Variants in PCDH15 observed in about 807,000 individuals in gnomAD.
The protein encoded by PCDH15 is protocadherin related 15, also known as protocadherin-15.
In PCDH15, 129 loss-of-function variants were observed where a neutral mutation model predicts 178.5. The observed-to-expected ratio is 0.72, with a 90% CI of 0.63 to 0.84. The LOEUF is 0.84. Among genes scored for constraint, PCDH15 ranks in the 40% least tolerant of loss-of-function variants. The probability of loss-of-function intolerance (pLI) is 0.00; values close to 1 mark genes in which losing one functional copy is unlikely to be tolerated. For missense variants in PCDH15, 2,230 were observed against 2,099.9 expected (o/e 1.06, Z -1.21); for synonymous variants, 800 against 732.0 (o/e 1.09, Z -1.50).
intron 2 of PCDH15, among the ~76,000 whole-genome samples, chr10:54,955,911 C>G (rs1838473423): frequency 6.6e-6 from 1 of 151,332 alleles, no homozygotes; most frequent in Non-Finnish European, 1.5e-5. Flanking sequence ...CTTACATGCA[C>G]TACATATAAT....
intron 2 of PCDH15, among the ~76,000 whole-genome samples, chr10:55,434,332 A>C (rs1403641285): frequency 6.6e-6 from 1 of 151,892 alleles, no homozygotes; most frequent in African/African-American, 2.4e-5. Flanking sequence ...CTGGGATTAC[A>C]GGCGTGAGCC....
At chr10:53,972,894 G>A (rs1263775770) in intron 21 of PCDH15, among the ~76,000 whole-genome samples, 2 of 152,088 alleles carry the variant, frequency 1.3e-5, no homozygotes, top group Non-Finnish European at 2.9e-5. Context: ...GATTCCTCAA[G>A]GATCTAGAAC....
At chr10:53,871,861 C>T (rs1034973396) in intron 26 of PCDH15, among the ~76,000 whole-genome samples, 3 of 152,116 alleles carry the variant, frequency 2.0e-5, no homozygotes, top group South Asian at 4.1e-4. Context: ...TCAAGCAATT[C>T]TCCTGCCTTA....
intron 3 of PCDH15, among the ~76,000 whole-genome samples, chr10:54,394,547 A>G (rs1398196636): frequency 6.6e-6 from 1 of 152,204 alleles, no homozygotes; most frequent in African/African-American, 2.4e-5. Context: ...AGGTAATAGA[A>G]TATCACAAGG....
intron 2 of PCDH15, among the ~76,000 whole-genome samples, chr10:54,995,800 C>T (rs1053085880): frequency 6.6e-6 from 1 of 151,732 alleles, no homozygotes; most frequent in African/African-American, 2.4e-5. Context: ...TACTAGATTC[C>T]CCACCCATCA....
intron 1 of PCDH15, among the ~76,000 whole-genome samples, chr10:54,690,114 T>C (rs931667992): frequency 6.6e-6 from 1 of 152,050 alleles, no homozygotes; most frequent in Non-Finnish European, 1.5e-5. Flanking sequence ...AGCTGAAAAA[T>C]GTCTATCTTC....
intron 1 of PCDH15, among the ~76,000 whole-genome samples, chr10:55,196,781 A>G (rs1451274554): frequency 2.6e-5 from 4 of 151,982 alleles, no homozygotes; most frequent in East Asian, 1.9e-4. Flanking sequence ...TTGTCTTTCC[A>G]AAACACATTT....
chr10:55,125,892 A>T (rs1412230312), intron 2 of PCDH15, among the ~76,000 whole-genome samples: 41 of 152,046 alleles, frequency 2.7e-4, no homozygotes, highest in Admixed American at 2.7e-3. Context: ...CCATTTCATG[A>T]TCTTATCCTG....
chr10:54,462,382 T>C (rs554191296), intron 3 of PCDH15, among the ~76,000 whole-genome samples: 1 of 152,094 alleles, frequency 6.6e-6, no homozygotes, highest in East Asian at 1.9e-4. Context: ...TTATTTTGCA[T>C]TGGTAATATC....
At chr10:54,261,382 TTAA>T (rs1468896509) in intron 8 of PCDH15, among the ~76,000 whole-genome samples, 4 of 151,772 alleles carry the variant, frequency 2.6e-5, no homozygotes, top group Admixed American at 2.0e-4. Flanking sequence ...CTAATGAAAA[TTAA>T]TAATAATAAT....
At chr10:54,426,727 C>T (rs1376867565) in intron 3 of PCDH15, among the ~76,000 whole-genome samples, 1 of 152,002 alleles carries the variant, frequency 6.6e-6, no homozygotes, top group Admixed American at 6.6e-5. Flanking sequence ...TTACACGGCC[C>T]CTACTGTCTT....
intron 2 of PCDH15, among the ~76,000 whole-genome samples, chr10:55,131,133 C>A (rs1838030811): frequency 6.6e-6 from 1 of 152,158 alleles, no homozygotes; most frequent in Admixed American, 6.5e-5. Context: ...CATGTATCCA[C>A]CATTACTGTG....
intron 2 of PCDH15, among the ~76,000 whole-genome samples, chr10:55,451,835 T>C (rs1424578400): frequency 1.3e-5 from 2 of 152,236 alleles, no homozygotes; most frequent in Non-Finnish European, 2.9e-5. Context: ...CTATGTTTAA[T>C]GATTATCTGA....
chr10:54,296,144 CAAAA>C (rs59721161), intron 8 of PCDH15, among the ~76,000 whole-genome samples: 2,114 of 48,136 alleles, frequency 0.044, 48 homozygotes, highest in African/African-American at 0.16. Context: ...GACTCCGTCT[CAAAA>C]AAAAAAAAAA....
In PCDH15 at chr10:55,564,348, G is replaced by A. The variant is rs550306210; in HGVS notation, c.-156+63277C>T. Among the ~76,000 whole-genome samples the A allele has an allele frequency of 6.6e-4, 100 of 151,154 alleles. 2 individuals carry two copies. The highest frequency in any genetic ancestry group is 2.2e-3 in the African/African-American group (92 of 41,320). On this transcript the variant is annotated intron_variant, in intron 2 of 5. Transcript: ENST00000613346. ...AGTATTATAATTTTAGAGTGTTGGC[G>A]GTTAATACTCATGGTACCCACAAAG...
At chr10:55,194,446 AAACAGAGGCATC>A (rs1346107470) in intron 1 of PCDH15, among the ~76,000 whole-genome samples, 1 of 152,082 alleles carries the variant, frequency 6.6e-6, no homozygotes, top group African/African-American at 2.4e-5. Context: ...AGAGATAAAG[AAACAGAGGCATC>A]AACAGAATAA....
chr10:53,846,797 GC>G (rs1418295726), intron 28 of PCDH15, among the ~76,000 whole-genome samples: 2 of 151,890 alleles, frequency 1.3e-5, no homozygotes, highest in Non-Finnish European at 2.9e-5. Context: ...GGTTGATTTA[GC>G]TTTTTATTTA....
At chr10:54,763,786 A>G (rs899303884) in intron 1 of PCDH15, among the ~76,000 whole-genome samples, 3 of 148,288 alleles carry the variant, frequency 2.0e-5, no homozygotes, top group Admixed American at 1.3e-4. Flanking sequence ...AATATACTAT[A>G]TAAATATGTA....
intron 2 of PCDH15, among the ~76,000 whole-genome samples, chr10:54,968,049 G>T (rs541220473): frequency 6.6e-6 from 1 of 152,142 alleles, no homozygotes; most frequent in Non-Finnish European, 1.5e-5. Flanking sequence ...ATTTTGGGGA[G>T]TCACAACACA....
Sources: gnomAD v4.1 joint callset for allele counts (sites outside exome capture counted in the v4.1 genomes callset) on GRCh38, gnomAD v4.1.1 for gene constraint, MANE v1.5 for transcripts, NCBI Gene and HGNC (gene_info 2026-07-23, HGNC 2026-07-21) for gene names.